PHF19: variants seen among roughly 807,000 people sequenced by gnomAD.
PHF19 encodes PHD finger protein 19, also known as polycomb like 3.
PHF19 carries 21 observed loss-of-function variants against 79.8 expected under a neutral mutation model. That is an observed-to-expected ratio of 0.26 (90% confidence interval 0.19 to 0.38). The LOEUF is 0.38. Ranked by LOEUF, PHF19 falls within the 10% of genes least tolerant of loss-of-function variation. The probability of loss-of-function intolerance (pLI) is 1.00; values close to 1 mark genes in which losing one functional copy is unlikely to be tolerated. For missense variants in PHF19, 445 were observed against 744.2 expected, an observed-to-expected ratio of 0.60 and a Z score of 4.68; for synonymous variants, 273 against 296.3, an observed-to-expected ratio of 0.92 and a Z score of 0.81.
At chr9:120,883,263 T>C (rs914263636) in intron 1 of PHF19, among the ~76,000 whole-genome samples, 2 of 152,234 alleles carry the variant, frequency 1.3e-5, no homozygotes, top group Non-Finnish European at 2.9e-5. Flanking sequence ...CCTATTTCCC[T>C]GCCTTGCCAG....
the PHF19 span, among the ~76,000 whole-genome samples, chr9:120,902,158 G>A: frequency 1.3e-5 from 2 of 152,142 alleles, no homozygotes; most frequent in Non-Finnish European, 1.5e-5. Context: ...GCCAACTGAA[G>A]CATCCTCACC....
chr9:120,899,280 T>C (rs1229287647), upstream of PHF19, among the ~76,000 whole-genome samples: 7 of 151,260 alleles, frequency 4.6e-5, no homozygotes, highest in Non-Finnish European at 8.8e-5. Flanking sequence ...AAGTGGATCA[T>C]GAGGTCAGGA....
intron 3 of PHF19, 84 bp downstream of exon 3, chr9:120,873,895 A>G (rs2045974511): frequency 2.7e-6 from 2 of 737,722 alleles, no homozygotes; most frequent in African/African-American, 1.7e-5. Flanking sequence ...TAAGAGATGG[A>G]AGGACAGAAG....
chr9:120,880,520 T>C (rs1305969821), upstream of PHF19, among the ~76,000 whole-genome samples: 1 of 151,844 alleles, frequency 6.6e-6, no homozygotes, highest in Non-Finnish European at 1.5e-5. Flanking sequence ...ACCAGATAGA[T>C]TAATTGTGAT....
chr9:120,865,664 C>A (rs779990804), intron 9 of PHF19, 46 bp downstream of exon 9: 1 of 1,612,160 alleles, frequency 6.2e-7, no homozygotes, highest in South Asian at 1.1e-5. Flanking sequence ...TGGCCCTGGG[C>A]AAACCTCTCT....
chr9:120,869,234 G>A lies in PHF19; in HGVS notation c.562C>T (p.Pro188Ser). ...YQPEELEWDSPHRTNQQQCYC... is the reference protein window; with the variant it reads ...YQPEELEWDSSHRTNQQQCYC... ...CATTGCTGCTGGTTGGTGCGATGGG[G>A]CGAGTCCCACTCGAGCTCCTCGGGC... The change falls in exon 6 of 15, where the codon CCC (proline) becomes TCC (serine). Residue 188 changes from proline to serine, a missense_variant. Transcript: ENST00000373896. The surrounding 1 kb of genome is among the most constrained non-coding windows in gnomAD (Gnocchi z 5.8). 1 of 1,612,200 alleles carries A rather than the reference G, an allele frequency of 6.2e-7. No individual in the cohort carries two copies. The highest frequency in any genetic ancestry group is 1.3e-5 in the African/African-American group (1 of 75,042).
Position 120,866,832 on chromosome 9 carries a change from C to G in PHF19, c.710+38G>C. On this transcript the variant is annotated intron_variant, in intron 7 of 14. Transcript: ENST00000373896. This position sits in a 1 kb window ranked among gnomAD's most constrained non-coding sequence, Gnocchi z 5.2. Reference sequence around the variant, plus strand: ...TGCTGCCATCCCTGCCCTCTCCCCACCACGCCCAAGGCCCACTTGGACCAA... The same window carrying G: ...TGCTGCCATCCCTGCCCTCTCCCCAGCACGCCCAAGGCCCACTTGGACCAA... 1 of 1,165,112 alleles carries G rather than the reference C, an allele frequency of 8.6e-7. No homozygotes were observed. The allele number at this position is 1,165,112 out of a possible 1,614,324, so 72.2% of individuals were successfully genotyped here.
At chr9:120,897,238 A>C (rs1016324375), upstream of PHF19, among the ~76,000 whole-genome samples, 2 of 152,232 alleles carry the variant, frequency 1.3e-5, no homozygotes, top group African/African-American at 4.8e-5. Flanking sequence ...CACGCCCAGC[A>C]AGCTCCCCAG....
chr9:120,879,174 G>A (rs116152782), upstream of PHF19, among the ~76,000 whole-genome samples: 819 of 152,336 alleles, frequency 5.4e-3, 9 homozygotes, highest in African/African-American at 0.016. Context: ...AAAGCCCCTG[G>A]TGCCCAGTAG....
chr9:120,877,756 A>G (rs1277326656), upstream of PHF19, among the ~76,000 whole-genome samples: 1 of 152,240 alleles, frequency 6.6e-6, no homozygotes, highest in Non-Finnish European at 1.5e-5. Context: ...TAATGTAGAT[A>G]CACAACACAC....
Position 120,869,260 on chromosome 9 carries a change from T to A in PHF19, c.536A>T (p.Gln179Leu). Reference sequence around the variant, plus strand: ...CGAGTCCCACTCGAGCTCCTCGGGCTGGTAGGACAGCACCATCTTCACGGC... The same window carrying A: ...CGAGTCCCACTCGAGCTCCTCGGGCAGGTAGGACAGCACCATCTTCACGGC... ...LQAVKMVLSY[Q>L]PEELEWDSPH... The change falls in exon 6 of 15, where the codon CAG becomes CTG. Residue 179 changes from glutamine to leucine, a missense_variant. Gln to Leu is a moderately radical substitution (Grantham distance 113). Coordinates refer to ENST00000373896, the MANE Select transcript of PHF19 (RefSeq NM_015651.3). This position sits in a 1 kb window ranked among gnomAD's most constrained non-coding sequence, Gnocchi z 5.8. The A allele has an allele frequency of 6.2e-7, 1 of 1,612,970 alleles. No homozygotes were observed. The highest frequency in any genetic ancestry group is 8.5e-7 in the Non-Finnish European group (1 of 1,179,750).
intron 12 of PHF19, among the ~76,000 whole-genome samples, chr9:120,861,615 C>T (rs1215707209): frequency 6.6e-6 from 1 of 152,168 alleles, no homozygotes; most frequent in East Asian, 1.9e-4. Context: ...AGGCTGGGCT[C>T]TGCCACTTTG....
chr9:120,860,833 C>T lies in PHF19; in HGVS notation c.1304+256G>A. The stretch of plus-strand genomic sequence containing the variant: ...CAAAGGGTATCTCAGGCAGAGGGAG[C>T]AATACGAGCAAAGATGAGCAAGCAT... On this transcript the variant is annotated intron_variant, in intron 13 of 14. Transcript: ENST00000373896. This position sits in a 1 kb window ranked among gnomAD's most constrained non-coding sequence, Gnocchi z 4.1. 1 of 425,380 alleles carries T rather than the reference C, an allele frequency of 2.4e-6. No homozygotes were observed. Among genetic ancestry groups the T allele is most frequent in the Non-Finnish European group, 4.4e-6 (1 of 226,718 alleles). The allele number at this position is 425,380 out of a possible 1,614,324, so 26.4% of individuals were successfully genotyped here.
chr9:120,893,401 C>A (rs567498440), intron 1 of PHF19, among the ~76,000 whole-genome samples: 1 of 152,290 alleles, frequency 6.6e-6, no homozygotes, highest in African/African-American at 2.4e-5. Context: ...TGGCAGGTGG[C>A]TCCCTGTCTG....
Position 120,870,300 on chromosome 9 carries a change from A to T in PHF19, c.364+143T>A. On this transcript the variant is annotated intron_variant, in intron 4 of 14. Coordinates refer to ENST00000373896, the MANE Select transcript of PHF19 (RefSeq NM_015651.3). This position sits in a 1 kb window ranked among gnomAD's most constrained non-coding sequence, Gnocchi z 4.4. ...CTCTTCCCAAGCCCTCACTTACAGC[A>T]ACTGGCCCCCTTTCACCCTGCAGTG... 1 of 675,962 alleles carries T rather than the reference A, an allele frequency of 1.5e-6. No homozygotes were observed. The highest frequency in any genetic ancestry group is 1.7e-5 in the South Asian group (1 of 57,632). The allele number at this position is 675,962 out of a possible 1,614,324, so 41.9% of individuals were successfully genotyped here. A position where few individuals can be genotyped will look rare whatever the true frequency, so the allele number is the denominator to read the frequency against.
Position 120,858,290 on chromosome 9 carries a change from T to C in PHF19, c.1401-4A>G. 1 of 1,517,434 alleles carries C rather than the reference T, an allele frequency of 6.6e-7. No individual in the cohort carries two copies. Among genetic ancestry groups the C allele is most frequent in the South Asian group, 1.3e-5 (1 of 77,060 alleles). The allele number at this position is 1,517,434 out of a possible 1,614,324, so 94.0% of individuals were successfully genotyped here. On this transcript the variant is annotated splice_polypyrimidine_tract_variant and splice_region_variant and intron_variant, in intron 14 of 14. Coordinates refer to ENST00000373896, the MANE Select transcript of PHF19 (RefSeq NM_015651.3). The stretch of plus-strand genomic sequence containing the variant: ...CTTTCGGCTGCCCACTGTCCATCTG[T>C]ATCAGAAGTGGGAGAGGAAGATGAT...
Position 120,856,152 on chromosome 9 carries a change from G to C in PHF19, c.*1792C>G, listed in dbSNP as rs968553796. 2.6e-5 allele frequency: 4 copies of C among 152,808 alleles called. No homozygotes were observed. The highest frequency in any genetic ancestry group is 9.6e-5 in the African/African-American group (4 of 41,466). 9.5% of individuals were successfully genotyped at this position (152,808 alleles called of 1,614,324 possible). A position where few individuals can be genotyped will look rare whatever the true frequency, so the allele number is the denominator to read the frequency against. On this transcript the variant is annotated 3_prime_UTR_variant, in exon 15 of 15. Transcript: ENST00000373896. ...GGCAGCAGCTGTGGGGCTGAAAAGG[G>C]GGAAGAACTGGGTCCAACGCCAGCT...
At chr9:120,883,687 A>T (rs941155022) in intron 1 of PHF19, among the ~76,000 whole-genome samples, 16 of 148,128 alleles carry the variant, frequency 1.1e-4, no homozygotes, top group African/African-American at 4.0e-4. Flanking sequence ...TTGAGCCTGG[A>T]GGCAGAGGTT....
intron 1 of PHF19, among the ~76,000 whole-genome samples, chr9:120,893,658 C>T (rs1057407715): frequency 2.6e-5 from 4 of 152,180 alleles, no homozygotes; most frequent in African/African-American, 9.7e-5. Flanking sequence ...TTAGAAAGCA[C>T]ACGTCATGCA....
Sources: allele counts gnomAD v4.1 joint callset (sites outside exome capture counted in the v4.1 genomes callset), GRCh38; gene constraint gnomAD v4.1.1; non-coding constraint Gnocchi (gnomAD v3.1); transcripts MANE v1.5; gene names NCBI Gene and HGNC (gene_info 2026-07-23, HGNC 2026-07-21).